ADGRB3: variants seen among roughly 807,000 people sequenced by gnomAD.
ADGRB3 encodes the protein adhesion G protein-coupled receptor B3.
ADGRB3 carries 37 observed loss-of-function variants against 193.4 expected under a neutral mutation model. That is an observed-to-expected ratio of 0.19 (90% CI 0.15 to 0.25). The LOEUF (loss-of-function observed/expected upper bound fraction) is 0.25, where lower values mean the gene tolerates loss of function less well. Among genes scored for constraint, ADGRB3 ranks in the 10% least tolerant of loss-of-function variants. The pLI is 1.00. For missense variants in ADGRB3, 1,637 were observed against 1,852.9 expected, an observed-to-expected ratio of 0.88 and a Z score of 2.14; for synonymous variants, 690 against 644.2, an observed-to-expected ratio of 1.07 and a Z score of -1.08.
intron 17 of ADGRB3, among the ~76,000 whole-genome samples, chr6:69,135,705 T>C (rs1223376622): frequency 4.6e-5 from 7 of 152,060 alleles, no homozygotes; most frequent in African/African-American, 1.7e-4. Flanking sequence ...CTTGGAAAAT[T>C]CAGCAACTTA....
chr6:68,669,605 TG>T (rs1344145747), intron 3 of ADGRB3, among the ~76,000 whole-genome samples: 10 of 11,628 alleles, frequency 8.6e-4, no homozygotes, highest in African/African-American at 1.8e-3. Flanking sequence ...AATACTCCAT[TG>T]TGTGTGTGTG....
intron 3 of ADGRB3, among the ~76,000 whole-genome samples, chr6:68,890,505 T>G (rs964834240): frequency 5.3e-5 from 8 of 152,308 alleles, no homozygotes; most frequent in Admixed American, 5.2e-4. Context: ...GAGAGAGTAT[T>G]TCCTTATAGC....
chr6:69,113,251 G>T (rs917162256), intron 17 of ADGRB3, among the ~76,000 whole-genome samples: 4 of 151,726 alleles, frequency 2.6e-5, no homozygotes, highest in African/African-American at 4.8e-5. Context: ...ATATTTATAT[G>T]TACAATATAC....
At chr6:69,048,417 C>A in intron 14 of ADGRB3, 83 bp downstream of exon 14, 1 of 1,328,602 alleles carries the variant, frequency 7.5e-7, no homozygotes, top group Non-Finnish European at 1.0e-6. Context: ...AATCTTCATA[C>A]ATTAAACAGT....
intron 3 of ADGRB3, among the ~76,000 whole-genome samples, chr6:68,789,776 A>T (rs1418269127): frequency 2.1e-5 from 3 of 144,556 alleles, no homozygotes; most frequent in African/African-American, 7.6e-5. Context: ...TCTCCCCATC[A>T]CTTTCAGGTA....
At chr6:68,893,938 A>C (rs1426383832) in intron 3 of ADGRB3, among the ~76,000 whole-genome samples, 6 of 151,908 alleles carry the variant, frequency 3.9e-5, no homozygotes, top group African/African-American at 1.2e-4. Context: ...TCAGTTTGAA[A>C]AGCATAAAAT....
chr6:69,059,209 G>A (rs774667821), intron 15 of ADGRB3, among the ~76,000 whole-genome samples: 8 of 151,906 alleles, frequency 5.3e-5, no homozygotes, highest in Non-Finnish European at 1.2e-4. Context: ...ATTACATTGT[G>A]TCTTTTTTTG....
intron 3 of ADGRB3, among the ~76,000 whole-genome samples, chr6:68,927,190 T>C (rs2150244773): frequency 6.6e-6 from 1 of 152,322 alleles, no homozygotes; most frequent in Non-Finnish European, 1.5e-5. Flanking sequence ...TGCTATACAT[T>C]ATTTCATTTG....
intron 8 of ADGRB3, among the ~76,000 whole-genome samples, chr6:68,966,572 A>G (rs1768386963): frequency 6.6e-6 from 1 of 152,066 alleles, no homozygotes; most frequent in Admixed American, 6.6e-5. Context: ...TCATTGGTGG[A>G]AGTCCTGCTT....
intron 3 of ADGRB3, among the ~76,000 whole-genome samples, chr6:68,814,755 G>A (rs801264): frequency 0.098 from 13,378 of 135,958 alleles, 686 homozygotes; most frequent in African/African-American, 0.16. Context: ...CTGGCAAACC[G>A]AATCCAGCAG....
chr6:69,336,242 A>G (rs575903800), intron 24 of ADGRB3, among the ~76,000 whole-genome samples: 1 of 152,112 alleles, frequency 6.6e-6, no homozygotes, highest in Admixed American at 6.5e-5. Context: ...GAATAAAATC[A>G]GGATTAAAAA....
chr6:68,684,586 A>C (rs1007795244), intron 3 of ADGRB3, among the ~76,000 whole-genome samples: 1 of 152,140 alleles, frequency 6.6e-6, no homozygotes, highest in African/African-American at 2.4e-5. Context: ...CTCTTTTAAT[A>C]TAACCTTTAT....
intron 3 of ADGRB3, among the ~76,000 whole-genome samples, chr6:68,688,455 A>G (rs1439163704): frequency 6.6e-6 from 1 of 152,200 alleles, no homozygotes; most frequent in Non-Finnish European, 1.5e-5. Context: ...ATATTTGCCC[A>G]AACATCAAGC....
At chr6:69,153,213 T>C (rs1453496528) in intron 17 of ADGRB3, among the ~76,000 whole-genome samples, 2 of 152,260 alleles carry the variant, frequency 1.3e-5, no homozygotes, top group East Asian at 3.9e-4. Context: ...AGGGCAGAGA[T>C]TAACCCATGG....
At chr6:68,698,889 T>C (rs17197014) in intron 3 of ADGRB3, among the ~76,000 whole-genome samples, 4 of 152,056 alleles carry the variant, frequency 2.6e-5, no homozygotes, top group Non-Finnish European at 5.9e-5. Context: ...TGATTGAAAA[T>C]CTCTAATAGG....
intron 17 of ADGRB3, among the ~76,000 whole-genome samples, chr6:69,117,033 T>C (rs903762794): frequency 1.3e-5 from 2 of 152,228 alleles, no homozygotes; most frequent in Non-Finnish European, 2.9e-5. Flanking sequence ...CTATTATTTT[T>C]TGTCTTATTA....
chr6:68,701,429 A>C (rs1765240786), intron 3 of ADGRB3, among the ~76,000 whole-genome samples: 1 of 152,198 alleles, frequency 6.6e-6, no homozygotes. Context: ...ATGAGAATCC[A>C]GTCACACTCA....
chr6:68,794,576 A>G (rs1269943865), intron 3 of ADGRB3, among the ~76,000 whole-genome samples: 1 of 152,104 alleles, frequency 6.6e-6, no homozygotes, highest in African/African-American at 2.4e-5. Flanking sequence ...TTGAAGTATT[A>G]TTGTTATTCC....
At chr6:69,002,362 G>T (rs963336132) in intron 11 of ADGRB3, among the ~76,000 whole-genome samples, 3 of 151,982 alleles carry the variant, frequency 2.0e-5, no homozygotes, top group Non-Finnish European at 4.4e-5. Context: ...GGGACTACAG[G>T]TGCATACCAC....
Sources: allele counts gnomAD v4.1 joint callset (sites outside exome capture counted in the v4.1 genomes callset), GRCh38; gene constraint gnomAD v4.1.1; transcripts MANE v1.5; gene names NCBI Gene and HGNC (gene_info 2026-07-23, HGNC 2026-07-21).